SSBP3: variants seen among roughly 807,000 people sequenced by gnomAD.
SSBP3 encodes the protein single stranded DNA binding protein 3, also known as single-stranded DNA-binding protein 3.
In SSBP3, 5 loss-of-function variants were observed where a neutral mutation model predicts 69.6. The ratio of observed to expected loss-of-function variants is 0.07; its 90% CI spans 0.04 to 0.15. The LOEUF (loss-of-function observed/expected upper bound fraction) is 0.15, where lower values mean the gene tolerates loss of function less well. Ranked by LOEUF, SSBP3 falls within the 10% of genes least tolerant of loss-of-function variation. The pLI is 1.00. For missense variants in SSBP3, 312 were observed against 534.0 expected (o/e 0.58, Z 4.10); for synonymous variants, 196 against 193.4 (o/e 1.01, Z -0.11).
chr1:54,261,368 G>A (rs554568257), intron 5 of SSBP3, among the ~76,000 whole-genome samples: 17 of 152,218 alleles, frequency 1.1e-4, no homozygotes, highest in Non-Finnish European at 2.2e-4. Context: ...TGAAGAAGAC[G>A]GACTTTGTGC....
intron 4 of SSBP3, among the ~76,000 whole-genome samples, chr1:54,327,527 C>G (rs1197405112): frequency 1.3e-5 from 2 of 152,122 alleles, no homozygotes; most frequent in African/African-American, 2.4e-5. Flanking sequence ...TCAAATGTAG[C>G]CGTTAACATA....
rs530784294 is a variant in SSBP3 at position 54,368,669 on chromosome 1, G to A, written c.276+33192C>T. On this transcript the variant is annotated intron_variant, in intron 4 of 17. Coordinates refer to ENST00000610401, the Ensembl canonical transcript of SSBP3. ...CCTAGTACACTAGAAACTCTGAGAA[G>A]CCCTACACTAAAGAAGCTGCTTCAC... 2.6e-5 allele frequency among the ~76,000 whole-genome samples: 4 copies of A among 152,180 alleles called. No homozygotes were observed. In the South Asian group the frequency reaches 8.3e-4, roughly 32 times the overall value.
At chr1:54,364,599 C>T (rs929546255) in intron 4 of SSBP3, among the ~76,000 whole-genome samples, 6 of 152,190 alleles carry the variant, frequency 3.9e-5, no homozygotes, top group Non-Finnish European at 7.3e-5. Context: ...TTGGCTCAAG[C>T]TTAACATGAG....
chr1:54,231,533 T>C (rs1269836357), intron 14 of SSBP3, among the ~76,000 whole-genome samples: 1 of 152,056 alleles, frequency 6.6e-6, no homozygotes, highest in Non-Finnish European at 1.5e-5. Context: ...TGAAGTCCAG[T>C]TTGTCTACTT....
Position 54,259,696 on chromosome 1 carries a change from C to T in SSBP3, c.367-1547G>A, listed in dbSNP as rs1365868907. Among the ~76,000 whole-genome samples the T allele has an allele frequency of 2.6e-5, 4 of 152,176 alleles. No homozygotes were observed. The East Asian group carries it at 5.8e-4, about 22-fold the overall frequency. ...CCGCCTGCCCACTGGGGAGGAGGGG[C>T]GTGGGCCCACAGAGAAGAGGTGTGC... On this transcript the variant is annotated intron_variant, in intron 5 of 17. Transcript: ENST00000610401.
intron 4 of SSBP3, among the ~76,000 whole-genome samples, chr1:54,348,295 G>A (rs1015642807): frequency 6.7e-6 from 1 of 150,204 alleles, no homozygotes; most frequent in Admixed American, 6.6e-5. Context: ...CAGAGAGTGG[G>A]CAGAAAGAAA....
Position 54,246,669 on chromosome 1 carries a change from G to GCTT in SSBP3, c.652-3373_652-3371dup, listed in dbSNP as rs751505310. ...CCGGCATGGCAGCTTCCTAGAGGGA[G>GCTT]CTTCTCCACCAGTCCTGCCGCCTAT... On this transcript the variant is annotated intron_variant, in intron 9 of 17. Coordinates refer to ENST00000610401, the Ensembl canonical transcript of SSBP3. Among the ~76,000 whole-genome samples the GCTT allele has an allele frequency of 2.0e-5, 3 of 152,324 alleles. No individual in the cohort carries two copies. The South Asian group carries it at 6.2e-4, about 32-fold the overall frequency.
intron 4 of SSBP3, among the ~76,000 whole-genome samples, chr1:54,297,285 T>C (rs887006321): frequency 7.2e-5 from 11 of 152,238 alleles, no homozygotes; most frequent in African/African-American, 2.4e-4. Context: ...ATTCCCTGCC[T>C]GGCCTACCTC....
upstream of SSBP3, among the ~76,000 whole-genome samples, chr1:54,409,011 C>T (rs1570090619): frequency 6.6e-6 from 1 of 152,168 alleles, no homozygotes; most frequent in African/African-American, 2.4e-5. Flanking sequence ...TCCCTGGAAG[C>T]AGGACCACTC....
intron 4 of SSBP3, among the ~76,000 whole-genome samples, chr1:54,387,862 G>C (rs914651988): frequency 2.0e-5 from 3 of 152,030 alleles, no homozygotes; most frequent in African/African-American, 7.2e-5. Flanking sequence ...CTGCACTCGA[G>C]TCGCTTCTTA....
At chr1:54,240,091 CG>C (rs1644592621) in intron 13 of SSBP3, among the ~76,000 whole-genome samples, 1 of 33,836 alleles carries the variant, frequency 3.0e-5, no homozygotes, top group South Asian at 1.4e-3. Flanking sequence ...TGTGTGTGCG[CG>C]CGCGCGCGTG....
At chr1:54,336,222 G>A (rs1646505297) in intron 4 of SSBP3, among the ~76,000 whole-genome samples, 1 of 152,212 alleles carries the variant, frequency 6.6e-6, no homozygotes, top group African/African-American at 2.4e-5. Context: ...GGGCTATCCT[G>A]TTTCCTTTTA....
intron 4 of SSBP3, among the ~76,000 whole-genome samples, chr1:54,350,214 C>T: frequency 6.6e-6 from 1 of 152,226 alleles, no homozygotes; most frequent in Non-Finnish European, 1.5e-5. Context: ...GAACAGGTTG[C>T]TTACACTTTC....
intron 13 of SSBP3, among the ~76,000 whole-genome samples, chr1:54,239,646 G>C (rs138770516): frequency 3.3e-5 from 5 of 152,356 alleles, no homozygotes; most frequent in Admixed American, 3.3e-4. Flanking sequence ...GCAGGAGGGA[G>C]AGGCAGGGAT....
intron 5 of SSBP3, among the ~76,000 whole-genome samples, chr1:54,265,616 G>C (rs1419083823): frequency 3.3e-5 from 5 of 152,208 alleles, no homozygotes; most frequent in Non-Finnish European, 7.3e-5. Flanking sequence ...AGAGGGCTGG[G>C]TTTAGAGGTC....
chr1:54,396,606 C>A (rs534999697), intron 4 of SSBP3, among the ~76,000 whole-genome samples: 2 of 152,146 alleles, frequency 1.3e-5, no homozygotes, highest in Non-Finnish European at 2.9e-5. Context: ...AAAATAGAGA[C>A]GACCTAAGGA....
At chr1:54,368,822 C>T (rs1435008893) in intron 4 of SSBP3, among the ~76,000 whole-genome samples, 1 of 152,154 alleles carries the variant, frequency 6.6e-6, no homozygotes, top group East Asian at 1.9e-4. Context: ...GCCTGGGGGC[C>T]CCCGTGGCTC....
chr1:54,390,019 G>A (rs900161245), intron 4 of SSBP3, among the ~76,000 whole-genome samples: 14 of 152,060 alleles, frequency 9.2e-5, no homozygotes, highest in African/African-American at 3.1e-4. Flanking sequence ...GCTGTTTTGA[G>A]TATGACAATA....
At chr1:54,379,205 G>A (rs1647429634) in intron 4 of SSBP3, among the ~76,000 whole-genome samples, 1 of 152,234 alleles carries the variant, frequency 6.6e-6, no homozygotes, top group Non-Finnish European at 1.5e-5. Flanking sequence ...AGCGACATGC[G>A]GGTTTTCTAG....
Sources: allele counts gnomAD v4.1 joint callset (sites outside exome capture counted in the v4.1 genomes callset), GRCh38; gene constraint gnomAD v4.1.1; transcripts MANE v1.5; gene names NCBI Gene and HGNC (gene_info 2026-07-23, HGNC 2026-07-21).